SLC44A5: variants seen among roughly 807,000 people sequenced by gnomAD.
The protein encoded by SLC44A5 is choline transporter-like protein 5.
In SLC44A5, 57 loss-of-function variants were observed where a neutral mutation model predicts 101.8. That is an observed-to-expected ratio of 0.56 (90% confidence interval 0.45 to 0.70). The LOEUF (loss-of-function observed/expected upper bound fraction) is 0.70. Ranked by LOEUF, SLC44A5 falls within the 30% of genes least tolerant of loss-of-function variation. The pLI is 0.00. For missense variants in SLC44A5, 737 were observed against 853.1 expected (o/e 0.86, Z 1.70); for synonymous variants, 281 against 290.9 (o/e 0.97, Z 0.35).
At chr1:75,610,919 C>CTA (rs536243776) in intron 1 of SLC44A5, 121 bp downstream of exon 1, 13 of 217,080 alleles carry the variant, frequency 6.0e-5, no homozygotes, top group East Asian at 5.6e-4. Context: ...TCAGACTTCA[C>CTA]TATATATATG....
intron 3 of SLC44A5, among the ~76,000 whole-genome samples, chr1:75,345,370 G>C (rs1330265259): frequency 6.6e-6 from 1 of 152,100 alleles, no homozygotes; most frequent in East Asian, 1.9e-4. Context: ...ATTACTTTTT[G>C]CCCCTCTAAC....
intron 1 of SLC44A5, among the ~76,000 whole-genome samples, chr1:75,578,309 A>C (rs1406506801): frequency 6.6e-6 from 1 of 152,110 alleles, no homozygotes; most frequent in South Asian, 2.1e-4. Context: ...TCTGTGATTA[A>C]TAACTGAAAT....
intron 4 of SLC44A5, among the ~76,000 whole-genome samples, chr1:75,330,188 C>CGTATATATGCATATATATAT (rs1557669810): frequency 4.6e-5 from 6 of 131,480 alleles, no homozygotes; most frequent in South Asian, 2.5e-4. Context: ...CATATATATA[C>CGTATATATGCATATATATAT]GTATATGCAT....
chr1:75,397,354 A>C (rs1662190004), intron 2 of SLC44A5, among the ~76,000 whole-genome samples: 1 of 152,136 alleles, frequency 6.6e-6, no homozygotes, highest in Non-Finnish European at 1.5e-5. Flanking sequence ...TTGCCAACTC[A>C]TTAATTAGAG....
the SLC44A5 span, among the ~76,000 whole-genome samples, chr1:75,720,873 G>A: frequency 6.6e-6 from 1 of 151,920 alleles, no homozygotes; most frequent in African/African-American, 2.4e-5. Flanking sequence ...GGGGGTAGGC[G>A]GGGGGAGGTT....
intron 2 of SLC44A5, among the ~76,000 whole-genome samples, chr1:75,506,732 G>A (rs976955551): frequency 1.3e-5 from 2 of 151,670 alleles, no homozygotes; most frequent in Admixed American, 6.6e-5. Context: ...GGTTTTTGGT[G>A]GAGTCTTTTG....
Position 75,540,370 on chromosome 1 carries a change from C to T in SLC44A5, c.13+1065G>A, listed in dbSNP as rs996953773. The stretch of plus-strand genomic sequence containing the variant: ...GAAAATGTCCTCTAAGTCTGTCGTT[C>T]TCCAGTTTTCATACTTAATAAACAA... On this transcript the variant is annotated intron_variant, in intron 2 of 23. Coordinates refer to ENST00000370859, the MANE Select transcript of SLC44A5 (RefSeq NM_001130058.2). Among the ~76,000 whole-genome samples the T allele has an allele frequency of 4.6e-5, 7 of 152,146 alleles. No individual in the cohort carries two copies. The South Asian group carries it at 6.2e-4, about 14-fold the overall frequency.
chr1:75,678,862 G>T, the SLC44A5 span, among the ~76,000 whole-genome samples: 1 of 151,992 alleles, frequency 6.6e-6, no homozygotes, highest in Admixed American at 6.6e-5. Context: ...TGAAAACTTT[G>T]AAAAAAATTT....
chr1:75,260,207 T>A (rs910691902), intron 6 of SLC44A5, among the ~76,000 whole-genome samples: 10 of 152,106 alleles, frequency 6.6e-5, no homozygotes, highest in Admixed American at 4.6e-4. Context: ...ATGGGCTAAC[T>A]GCCCCAATTA....
intron 1 of SLC44A5, among the ~76,000 whole-genome samples, chr1:75,596,746 A>T (rs1570704883): frequency 6.6e-6 from 1 of 152,180 alleles, no homozygotes; most frequent in South Asian, 2.1e-4. Context: ...ATAAAATTCA[A>T]CATCCACTCA....
chr1:75,293,689 A>G (rs1404589955), intron 5 of SLC44A5, among the ~76,000 whole-genome samples: 2 of 152,168 alleles, frequency 1.3e-5, no homozygotes, highest in African/African-American at 2.4e-5. Flanking sequence ...GATAAGAAAA[A>G]TGTTGTTTGT....
chr1:75,691,805 A>G, the SLC44A5 span, among the ~76,000 whole-genome samples: 1,118 of 152,244 alleles, frequency 7.3e-3, 15 homozygotes, highest in African/African-American at 0.025. Flanking sequence ...AGAGAGAAAG[A>G]TCTGGTCTTT....
chr1:75,417,136 A>G (rs1444153404), intron 2 of SLC44A5, among the ~76,000 whole-genome samples: 1 of 152,174 alleles, frequency 6.6e-6, no homozygotes. Context: ...TGTAGCTCCT[A>G]TAATTCCCAT....
intron 4 of SLC44A5, among the ~76,000 whole-genome samples, chr1:75,337,495 A>T (rs2135142): frequency 0.42 from 64,085 of 152,046 alleles, 14,272 homozygotes; most frequent in East Asian, 0.85. Flanking sequence ...TGTGTATTCA[A>T]TTCCAATGTC....
intron 12 of SLC44A5, 116 bp from the exon 13 acceptor site, chr1:75,227,973 G>A: frequency 2.7e-6 from 2 of 750,230 alleles, no homozygotes; most frequent in Non-Finnish European, 4.1e-6. Context: ...TTCTGCAAAG[G>A]CAAGACACAT....
chr1:75,684,497 G>T, the SLC44A5 span, among the ~76,000 whole-genome samples: 1 of 152,066 alleles, frequency 6.6e-6, no homozygotes, highest in African/African-American at 2.4e-5. Flanking sequence ...AGATACAATG[G>T]GGATACAAGC....
chr1:75,603,357 C>CT (rs34089097), intron 1 of SLC44A5, among the ~76,000 whole-genome samples: 131,852 of 147,234 alleles, frequency 0.9, 59,478 homozygotes, highest in Non-Finnish European at 0.96. Flanking sequence ...GTATTTGTAC[C>CT]TTTTTTTTTT....
At chr1:75,705,979 C>T in the SLC44A5 span, among the ~76,000 whole-genome samples, 2 of 152,150 alleles carry the variant, frequency 1.3e-5, no homozygotes, top group Non-Finnish European at 2.9e-5. Context: ...TGCCCAGCCT[C>T]ATCAGCTTTT....
chr1:75,486,205 T>C (rs1381832835), intron 2 of SLC44A5, among the ~76,000 whole-genome samples: 1 of 152,228 alleles, frequency 6.6e-6, no homozygotes, highest in Admixed American at 6.5e-5. Flanking sequence ...ATCAAATGCC[T>C]GTTGCTAAGA....
Sources: gnomAD v4.1 joint callset for allele counts (sites outside exome capture counted in the v4.1 genomes callset) on GRCh38, gnomAD v4.1.1 for gene constraint, MANE v1.5 for transcripts, NCBI Gene and HGNC (gene_info 2026-07-23, HGNC 2026-07-21) for gene names.